CNTNAP2: variants seen among roughly 807,000 people sequenced by gnomAD.
The protein encoded by CNTNAP2 is contactin-associated protein-like 2.
CNTNAP2 carries 98 observed loss-of-function variants against 155.2 expected under a neutral mutation model. The observed-to-expected ratio is 0.63, with a 90% confidence interval of 0.54 to 0.75. The LOEUF is 0.75. CNTNAP2 is among the 30% of genes least tolerant of loss of function. The pLI, the probability that CNTNAP2 is intolerant of heterozygous loss-of-function variation, is 0.00. For synonymous variants in CNTNAP2, 651 were observed against 631.2 expected, an observed-to-expected ratio of 1.03 and a Z score of -0.47; for missense variants, 1,727 against 1,688.1, an observed-to-expected ratio of 1.02 and a Z score of -0.40.
At chr7:147,809,863 G>C (rs995470734) in intron 13 of CNTNAP2, among the ~76,000 whole-genome samples, 2 of 152,170 alleles carry the variant, frequency 1.3e-5, no homozygotes, top group Non-Finnish European at 2.9e-5. Flanking sequence ...CTTCATTCCC[G>C]TGTGAGGTGC....
intron 13 of CNTNAP2, among the ~76,000 whole-genome samples, chr7:147,680,892 A>G (rs923619714): frequency 6.6e-6 from 1 of 151,854 alleles, no homozygotes; most frequent in Non-Finnish European, 1.5e-5. Context: ...CTTATACCCA[A>G]TTAAATTTTT....
intron 1 of CNTNAP2, among the ~76,000 whole-genome samples, chr7:146,711,757 GTATACATATATAGTATA>G (rs1801079382): frequency 7.2e-6 from 1 of 138,892 alleles, no homozygotes; most frequent in Non-Finnish European, 1.6e-5. Flanking sequence ...CACATCTTAT[GTATACATATATAGTATA>G]CACATCTTAT....
intron 1 of CNTNAP2, among the ~76,000 whole-genome samples, chr7:146,647,319 C>A (rs1041252110): frequency 4.6e-5 from 7 of 152,004 alleles, no homozygotes; most frequent in African/African-American, 1.7e-4. Context: ...GCATGATATC[C>A]TTCTGTTAAG....
At chr7:148,067,539 T>C (rs948225235) in intron 15 of CNTNAP2, among the ~76,000 whole-genome samples, 1 of 152,168 alleles carries the variant, frequency 6.6e-6, no homozygotes, top group Non-Finnish European at 1.5e-5. Flanking sequence ...GGGTCTTTAG[T>C]TGTAGTTTTG....
intron 1 of CNTNAP2, among the ~76,000 whole-genome samples, chr7:146,490,494 G>C (rs944436193): frequency 6.6e-6 from 1 of 152,178 alleles, no homozygotes; most frequent in African/African-American, 2.4e-5. Context: ...CATAACTTTT[G>C]AGTAAAGGCT....
chr7:147,749,879 C>A (rs941523736), intron 13 of CNTNAP2, among the ~76,000 whole-genome samples: 1 of 152,198 alleles, frequency 6.6e-6, no homozygotes, highest in South Asian at 2.1e-4. Context: ...TACATCTTAA[C>A]CCCAAAATTA....
chr7:148,050,534 A>G (rs1033065402), intron 15 of CNTNAP2, among the ~76,000 whole-genome samples: 2 of 152,232 alleles, frequency 1.3e-5, no homozygotes, highest in Non-Finnish European at 2.9e-5. Context: ...AAAGAAATTA[A>G]AAGTTTAGAA....
At chr7:146,673,085 T>C (rs1174156910) in intron 1 of CNTNAP2, among the ~76,000 whole-genome samples, 1 of 152,158 alleles carries the variant, frequency 6.6e-6, no homozygotes, top group Admixed American at 6.6e-5. Flanking sequence ...ATAGTAGTTT[T>C]TCTTGTTACA....
chr7:146,866,488 T>G (rs1795208528), intron 3 of CNTNAP2, among the ~76,000 whole-genome samples: 1 of 152,052 alleles, frequency 6.6e-6, no homozygotes, highest in Admixed American at 6.6e-5. Context: ...AGAAAACAAT[T>G]AGCAATAATA....
At chr7:146,922,547 T>C (rs936011346) in intron 3 of CNTNAP2, among the ~76,000 whole-genome samples, 1 of 152,118 alleles carries the variant, frequency 6.6e-6, no homozygotes, top group African/African-American at 2.4e-5. Flanking sequence ...AAAACAATGA[T>C]AAATATCCTA....
At chr7:147,113,586 G>A (rs1584851945) in intron 5 of CNTNAP2, among the ~76,000 whole-genome samples, 1 of 152,072 alleles carries the variant, frequency 6.6e-6, no homozygotes, top group Non-Finnish European at 1.5e-5. Flanking sequence ...TGAAGTCGGG[G>A]AAAGCCCTTT....
intron 13 of CNTNAP2, among the ~76,000 whole-genome samples, chr7:147,902,778 T>TTTTG (rs1799890516): frequency 7.3e-6 from 1 of 136,728 alleles, no homozygotes; most frequent in Non-Finnish European, 1.6e-5. Context: ...TCATATATGT[T>TTTTG]TGTGTGTGTG....
At chr7:147,743,342 G>A (rs1796982915) in intron 13 of CNTNAP2, among the ~76,000 whole-genome samples, 1 of 152,188 alleles carries the variant, frequency 6.6e-6, no homozygotes, top group African/African-American at 2.4e-5. Flanking sequence ...AGATCCCTAA[G>A]TAAGTGAATT....
intron 1 of CNTNAP2, among the ~76,000 whole-genome samples, chr7:146,544,490 A>G (rs1797999806): frequency 6.6e-6 from 1 of 151,944 alleles, no homozygotes; most frequent in African/African-American, 2.4e-5. Flanking sequence ...TGATAACACT[A>G]TTTTGATTGG....
At chr7:146,862,593 C>T (rs781209227) in intron 3 of CNTNAP2, among the ~76,000 whole-genome samples, 1 of 152,146 alleles carries the variant, frequency 6.6e-6, no homozygotes, top group African/African-American at 2.4e-5. Context: ...AATGTGTACC[C>T]TGGGGGAAAG....
intron 1 of CNTNAP2, among the ~76,000 whole-genome samples, chr7:146,734,845 G>C (rs1486468646): frequency 6.6e-6 from 1 of 152,088 alleles, no homozygotes; most frequent in Non-Finnish European, 1.5e-5. Flanking sequence ...AATTAAAACT[G>C]TGTCCAAACT....
At chr7:147,070,343 C>T (rs549811212) in intron 4 of CNTNAP2, among the ~76,000 whole-genome samples, 10 of 152,266 alleles carry the variant, frequency 6.6e-5, no homozygotes, top group African/African-American at 2.4e-4. Flanking sequence ...AAGCACATTG[C>T]CTGTCGGGGA....
intron 13 of CNTNAP2, among the ~76,000 whole-genome samples, chr7:147,801,530 C>T (rs552007952): frequency 6.6e-6 from 1 of 151,628 alleles, no homozygotes; most frequent in African/African-American, 2.4e-5. Flanking sequence ...TGATTCTTAA[C>T]GAGCATGCTG....
intron 1 of CNTNAP2, among the ~76,000 whole-genome samples, chr7:146,128,424 A>G (rs897093929): frequency 6.6e-6 from 1 of 152,172 alleles, no homozygotes; most frequent in African/African-American, 2.4e-5. Flanking sequence ...TTACACTCCC[A>G]TAAATTCCAG....
Sources: gnomAD v4.1 joint callset for allele counts (sites outside exome capture counted in the v4.1 genomes callset) on GRCh38, gnomAD v4.1.1 for gene constraint, MANE v1.5 for transcripts, NCBI Gene and HGNC (gene_info 2026-07-23, HGNC 2026-07-21) for gene names.